Variants in ABR observed in about 807,000 individuals in gnomAD.
ABR encodes ABR activator of RhoGEF and GTPase.
ABR carries 35 observed loss-of-function variants against 107.2 expected under a neutral mutation model. The ratio of observed to expected loss-of-function variants is 0.33; its 90% CI spans 0.25 to 0.43. ABR has a LOEUF of 0.43. ABR is among the 20% of genes least tolerant of loss of function. The probability of loss-of-function intolerance (pLI) is 1.00; values close to 1 mark genes in which losing one functional copy is unlikely to be tolerated. For missense variants in ABR, 815 were observed against 1,115.2 expected, an observed-to-expected ratio of 0.73 and a Z score of 3.83; for synonymous variants, 498 against 462.0, an observed-to-expected ratio of 1.08 and a Z score of -1.00.
At chr17:1,123,599 C>T (rs776445299) in intron 2 of ABR, among the ~76,000 whole-genome samples, 31 of 152,160 alleles carry the variant, frequency 2.0e-4, no homozygotes, top group Non-Finnish European at 3.8e-4. Context: ...GGAGGTGGCG[C>T]GGGGACAGGC....
intron 16 of ABR, among the ~76,000 whole-genome samples, chr17:1,033,133 G>T (rs1000346660): frequency 2.0e-5 from 3 of 152,230 alleles, no homozygotes; most frequent in Non-Finnish European, 4.4e-5. Flanking sequence ...AGGAAAAAGA[G>T]CTGGGTCAGG....
At chr17:1,087,343 A>C (rs1321402213) in intron 4 of ABR, among the ~76,000 whole-genome samples, 2 of 152,144 alleles carry the variant, frequency 1.3e-5, no homozygotes, top group Non-Finnish European at 2.9e-5. Flanking sequence ...TGGCCGCAGC[A>C]TCGGCTGAGC....
chr17:1,216,746 G>A lies in ABR; in HGVS notation c.838+12047C>T, dbSNP rs761749844. On this transcript the variant is annotated intron_variant, in intron 1 of 22. Transcript: ENST00000574139. ...TGTCCTCTGCCTGTCTAAAGACCCT[G>A]GGGAACTCTGGGTCTGGTGGCCAAA... Among the ~76,000 whole-genome samples the A allele has an allele frequency of 7.3e-4, 111 of 152,320 alleles. 1 individual carries two copies. The Middle Eastern group carries it at 0.017, about 23-fold the overall frequency.
At chr17:1,034,444 C>T (rs938398122) in intron 16 of ABR, among the ~76,000 whole-genome samples, 16 of 152,198 alleles carry the variant, frequency 1.1e-4, no homozygotes, top group Admixed American at 6.5e-5. Context: ...TGTGCACCTA[C>T]TAGGCACCAC....
At chr17:1,045,768 T>C (rs964232889) in intron 16 of ABR, among the ~76,000 whole-genome samples, 2 of 152,188 alleles carry the variant, frequency 1.3e-5, no homozygotes, top group African/African-American at 2.4e-5. Flanking sequence ...CATGGACCAA[T>C]ATACTCGTCT....
At chr17:1,105,718 T>G (rs570718291) in intron 2 of ABR, among the ~76,000 whole-genome samples, 2 of 151,940 alleles carry the variant, frequency 1.3e-5, no homozygotes, top group African/African-American at 2.4e-5. Flanking sequence ...TACAAAAATA[T>G]AAAAATTAGC....
chr17:1,063,640 G>A (rs1296564989), intron 10 of ABR, among the ~76,000 whole-genome samples: 22 of 121,634 alleles, frequency 1.8e-4, no homozygotes, highest in East Asian at 4.8e-4. Flanking sequence ...TCCTCTAGAC[G>A]CTGCTGTTAT....
At chr17:1,206,339 G>A (rs924729853) in intron 1 of ABR, among the ~76,000 whole-genome samples, 1 of 152,272 alleles carries the variant, frequency 6.6e-6, no homozygotes, top group East Asian at 1.9e-4. Context: ...TTTATCCCAG[G>A]AATACAAGCC....
chr17:1,046,816 CTCATCTGTAAGATGGGGAGGAGGGACTG>C (rs1161997867), intron 16 of ABR, among the ~76,000 whole-genome samples: 1 of 152,198 alleles, frequency 6.6e-6, no homozygotes, highest in African/African-American at 2.4e-5. Flanking sequence ...CCCCAGTGTC[CTCATCTGTAAGATGGGGAGGAGGGACTG>C]TCATTCTCCC....
Position 1,012,037 on chromosome 17 carries a change from C to G in ABR, c.1962-52G>C, listed in dbSNP as rs112136091. ...AGGGCAGCCCCCACGACAGCTCTCC[C>G]GTAGCAACCCCCACCCAGCACACAC... On this transcript the variant is annotated intron_variant, in intron 18 of 22. Transcript: ENST00000302538. The G allele has an allele frequency of 1.0e-5, 16 of 1,606,172 alleles. No homozygotes were observed. In the African/African-American group the frequency reaches 1.9e-4, roughly 19 times the overall value.
intron 1 of ABR, among the ~76,000 whole-genome samples, chr17:1,185,558 T>A (rs2042260816): frequency 1.3e-5 from 2 of 148,468 alleles, no homozygotes; most frequent in Admixed American, 6.9e-5. Context: ...GGCAGGAGAA[T>A]CGCTTGAACC....
intron 10 of ABR, among the ~76,000 whole-genome samples, chr17:1,060,788 T>G (rs1389905673): frequency 2.0e-5 from 3 of 151,760 alleles, no homozygotes; most frequent in Non-Finnish European, 2.9e-5. Flanking sequence ...GTCAGGAGTT[T>G]GAGACCAGCC....
At chr17:1,057,657 A>ATGTGTGTGTG (rs796583275) in intron 12 of ABR, among the ~76,000 whole-genome samples, 2 of 37,410 alleles carry the variant, frequency 5.3e-5, no homozygotes, top group Non-Finnish European at 9.6e-5. Flanking sequence ...GTATGTGTGT[A>ATGTGTGTGTG]TGTGTGTGTG....
At chr17:1,047,249 A>G (rs1376783192) in intron 16 of ABR, among the ~76,000 whole-genome samples, 1 of 152,270 alleles carries the variant, frequency 6.6e-6, no homozygotes, top group Non-Finnish European at 1.5e-5. Flanking sequence ...TGGCGGGCAG[A>G]AAGACTGCAT....
At chr17:1,198,094 T>A in intron 1 of ABR, among the ~76,000 whole-genome samples, 1 of 151,616 alleles carries the variant, frequency 6.6e-6, no homozygotes, top group East Asian at 1.9e-4. Context: ...AAAGAGACTG[T>A]ATCTGCCCCC....
intron 1 of ABR, among the ~76,000 whole-genome samples, chr17:1,203,598 G>A (rs565578650): frequency 6.7e-6 from 1 of 149,888 alleles, no homozygotes; most frequent in African/African-American, 2.5e-5. Flanking sequence ...ATCCAGTCGG[G>A]AACCCCTGAG....
At chr17:1,172,955 C>A (rs1356625985) in intron 1 of ABR, among the ~76,000 whole-genome samples, 4 of 143,610 alleles carry the variant, frequency 2.8e-5, no homozygotes, top group East Asian at 2.0e-4. Context: ...AATCCACCCC[C>A]CCCATCACCT....
intron 1 of ABR, among the ~76,000 whole-genome samples, chr17:1,217,883 C>A (rs900067096): frequency 9.9e-5 from 15 of 152,098 alleles, no homozygotes; most frequent in African/African-American, 3.6e-4. Flanking sequence ...TTAGCAGAGA[C>A]GGGGTTTCAC....
intron 2 of ABR, among the ~76,000 whole-genome samples, chr17:1,101,543 T>C (rs1163690445): frequency 6.6e-6 from 1 of 152,072 alleles, no homozygotes; most frequent in Non-Finnish European, 1.5e-5. Flanking sequence ...GCCCGATGCT[T>C]GCCAAGGACC....
Sources: gnomAD v4.1 joint callset for allele counts (sites outside exome capture counted in the v4.1 genomes callset) on GRCh38, gnomAD v4.1.1 for gene constraint, MANE v1.5 for transcripts, NCBI Gene and HGNC (gene_info 2026-07-23, HGNC 2026-07-21) for gene names.